The following EPAS1 variants were observed in gnomAD, a reference collection of about 807,000 sequenced individuals.
EPAS1 encodes endothelial PAS domain protein 1.
Under a neutral mutation model 87.9 loss-of-function variants are expected in EPAS1, and 23 were observed. The observed-to-expected ratio is 0.26, with a 90% CI of 0.19 to 0.37. The LOEUF (loss-of-function observed/expected upper bound fraction) is 0.37, where lower values mean the gene tolerates loss of function less well. Ranked by LOEUF, EPAS1 falls within the 10% of genes least tolerant of loss-of-function variation. The pLI, the probability that EPAS1 is intolerant of heterozygous loss-of-function variation, is 1.00. For missense variants in EPAS1, 1,138 were observed against 1,120.7 expected (o/e 1.02, Z -0.22); for synonymous variants, 508 against 444.3 (o/e 1.14, Z -1.80).
At chr2:46,379,823 C>T in intron 11 of EPAS1, 1 of 272,822 alleles carries the variant, frequency 3.7e-6, no homozygotes, top group East Asian at 8.6e-5. Context: ...GAGAAGAGGA[C>T]AAAAAAAAGC....
rs58210256 is a variant in EPAS1, at chr2:46,320,431, C to T, written c.26+22494C>T. Among the ~76,000 whole-genome samples the T allele has an allele frequency of 6.4e-3, 973 of 152,266 alleles. 11 individuals are homozygous for T. The highest frequency in any genetic ancestry group is 0.023 in the African/African-American group (946 of 41,514). On this transcript the variant is annotated intron_variant, in intron 1 of 15. Transcript: ENST00000263734. Reference sequence around the variant, plus strand: ...TGGAGCAGCTGTTGGCATAGCAACTCCTACGTGGAAAAGTGCACGCCGCTT... The same window carrying T: ...TGGAGCAGCTGTTGGCATAGCAACTTCTACGTGGAAAAGTGCACGCCGCTT...
At position 46,339,444 on chromosome 2, in the gene EPAS1, G is replaced by A. The variant is rs181236717; in HGVS notation, c.27-7429G>A. Among the ~76,000 whole-genome samples, 7 of 152,282 alleles carry A rather than the reference G, an allele frequency of 4.6e-5. No homozygotes were observed. The East Asian group carries it at 1.4e-3, about 29-fold the overall frequency. The stretch of plus-strand genomic sequence containing the variant: ...CAGGGCCTTGAAAAAGCCAGAACTC[G>A]GGGCTTTTGTTCCAGTTCCACATAC... On this transcript the variant is annotated intron_variant, in intron 1 of 15. Coordinates refer to ENST00000263734, the MANE Select transcript of EPAS1 (RefSeq NM_001430.5).
intron 1 of EPAS1, among the ~76,000 whole-genome samples, chr2:46,306,412 GTT>G (rs1683109711): frequency 6.6e-6 from 1 of 152,120 alleles, no homozygotes; most frequent in Non-Finnish European, 1.5e-5. Context: ...AGTGGACCTG[GTT>G]GTCCATGGTG....
At chr2:46,378,510 G>C in intron 10 of EPAS1, 147 bp from the exon 11 acceptor site, 1 of 726,678 alleles carries the variant, frequency 1.4e-6, no homozygotes, top group Non-Finnish European at 2.4e-6. Flanking sequence ...CATACAGCTT[G>C]TTAATTAGCA....
At chr2:46,350,585 G>A (rs1351710482) in intron 2 of EPAS1, among the ~76,000 whole-genome samples, 1 of 152,208 alleles carries the variant, frequency 6.6e-6, no homozygotes, top group Non-Finnish European at 1.5e-5. Context: ...CACTCTTACA[G>A]GAACATCGGT....
rs1684727715 is a variant in EPAS1 at position 46,375,606 on chromosome 2, C to T, written c.887-84C>T. 6.6e-7 allele frequency: 1 copy of T among 1,518,504 alleles called. No homozygotes were observed. The highest frequency in any genetic ancestry group is 9.0e-7 in the Non-Finnish European group (1 of 1,115,044). The allele number at this position is 1,518,504 out of a possible 1,614,324, so 94.1% of individuals were successfully genotyped here. A position where few individuals can be genotyped will look rare whatever the true frequency, so the allele number is the denominator to read the frequency against. On this transcript the variant is annotated intron_variant, in intron 7 of 15. Coordinates refer to ENST00000263734, the MANE Select transcript of EPAS1 (RefSeq NM_001430.5). The surrounding 1 kb of genome is among the most constrained non-coding windows in gnomAD (Gnocchi z 4.1). Reference sequence around the variant, plus strand: ...TCTGTCTGTTCCCCTGCAGATTAGACTGCCCTCCCATGCGATCTGCTGAGC... The same window carrying T: ...TCTGTCTGTTCCCCTGCAGATTAGATTGCCCTCCCATGCGATCTGCTGAGC...
At chr2:46,305,945 TAATC>T (rs1372176149) in intron 1 of EPAS1, among the ~76,000 whole-genome samples, 3 of 152,208 alleles carry the variant, frequency 2.0e-5, no homozygotes, top group African/African-American at 7.2e-5. Flanking sequence ...TCTTAGAAGT[TAATC>T]AATTCTGTAA....
chr2:46,376,696 G>A lies in EPAS1; in HGVS notation c.1192G>A (p.Glu398Lys), dbSNP rs1283870670. ...ATTCACCAAGCTAAAGGAGGAGCCCGAGGAGCTGGCCCAGCTGGCTCCCAC... is the reference window on the plus strand; with the variant it reads ...ATTCACCAAGCTAAAGGAGGAGCCCAAGGAGCTGGCCCAGCTGGCTCCCAC... Reference protein sequence around the residue: ...FLFTKLKEEPEELAQLAPTPG... With the variant: ...FLFTKLKEEPKELAQLAPTPG... Residue 398 changes from glutamate to lysine, a missense_variant, in exon 9 of 16, where the codon GAG becomes AAG. Around this residue, in one of 4 missense-constraint regions of EPAS1, gnomAD observed 284 missense variants for 258.4 expected, o/e 1.10. Coordinates refer to ENST00000263734, the MANE Select transcript of EPAS1 (RefSeq NM_001430.5). 8.1e-6 allele frequency: 13 copies of A among 1,613,532 alleles called. No homozygotes were observed. The highest frequency in any genetic ancestry group is 4.5e-5 in the East Asian group (2 of 44,894).
intron 1 of EPAS1, among the ~76,000 whole-genome samples, chr2:46,316,573 A>G (rs1434014776): frequency 6.6e-6 from 1 of 152,164 alleles, no homozygotes; most frequent in Non-Finnish European, 1.5e-5. Context: ...CAATGTCTAT[A>G]CCTTAATTTA....
At chr2:46,356,945 T>TGGCCGGGCGCG in intron 4 of EPAS1, 137 bp downstream of exon 4, 1 of 697,528 alleles carries the variant, frequency 1.4e-6, no homozygotes. Flanking sequence ...AATTTAAGTA[T>TGGCCGGGCGCG]GTAGCCTGTG....
chr2:46,367,545 T>C (rs1417414663), intron 6 of EPAS1, among the ~76,000 whole-genome samples: 1 of 152,244 alleles, frequency 6.6e-6, no homozygotes, highest in East Asian at 1.9e-4. Context: ...TCTCCACCTT[T>C]GCCAAGGTGT....
chr2:46,313,465 A>AT (rs1683252244), intron 1 of EPAS1, among the ~76,000 whole-genome samples: 1 of 151,132 alleles, frequency 6.6e-6, no homozygotes, highest in Admixed American at 6.6e-5. Context: ...TTATTTATTT[A>AT]TTTTTGAGAC....
chr2:46,381,112 C>T (rs1436293824), intron 12 of EPAS1: 2 of 351,954 alleles, frequency 5.7e-6, no homozygotes, highest in Non-Finnish European at 1.1e-5. Context: ...CCCCCGGGTC[C>T]TCGCCACTGC....
intron 1 of EPAS1, among the ~76,000 whole-genome samples, chr2:46,306,344 A>T (rs1299530413): frequency 2.0e-5 from 3 of 152,148 alleles, no homozygotes; most frequent in Non-Finnish European, 4.4e-5. Context: ...CTTCCTTTAT[A>T]TTTGGGAAAT....
chr2:46,318,183 C>CACAT (rs1020835915), intron 1 of EPAS1, among the ~76,000 whole-genome samples: 1 of 151,196 alleles, frequency 6.6e-6, no homozygotes, highest in African/African-American at 2.4e-5. Context: ...GAGAGAGATA[C>CACAT]ACACACACAC....
chr2:46,315,434 T>G (rs1222573301), intron 1 of EPAS1, among the ~76,000 whole-genome samples: 1 of 152,084 alleles, frequency 6.6e-6, no homozygotes, highest in Non-Finnish European at 1.5e-5. Flanking sequence ...TATTGAGACT[T>G]GGGTTTATCT....
chr2:46,319,272 C>T (rs1457117957), intron 1 of EPAS1, among the ~76,000 whole-genome samples: 2 of 152,186 alleles, frequency 1.3e-5, no homozygotes, highest in Admixed American at 6.5e-5. Flanking sequence ...TCCAGTGTGG[C>T]CCATATGTAT....
In EPAS1 at chr2:46,332,332, G is replaced by GTGTGTATA. The variant is rs146630883; in HGVS notation, c.27-14540_27-14539insGTGTATAT. Among the ~76,000 whole-genome samples the GTGTGTATA allele has an allele frequency of 1.2e-3, 164 of 142,188 alleles. 2 individuals carry two copies. Among genetic ancestry groups the GTGTGTATA allele is most frequent in the Admixed American group, 3.6e-3 (51 of 14,230 alleles). The allele number at this position is 142,188 out of a possible 152,430, so 93.3% of individuals were successfully genotyped here. ...TGTGTGTGTGTGTGTGTGTGTGTGT[G>GTGTGTATA]TATCAACTTGTTTTCTCTTTGGCTG... On this transcript the variant is annotated intron_variant, in intron 1 of 15. Transcript: ENST00000263734.
intron 1 of EPAS1, among the ~76,000 whole-genome samples, chr2:46,301,570 G>A (rs1682999568): frequency 2.7e-5 from 3 of 110,090 alleles, no homozygotes; most frequent in African/African-American, 3.5e-5. Flanking sequence ...GTGAAATTCC[G>A]TCTCAAAGAA....
Sources: gnomAD v4.1 joint callset for allele counts (sites outside exome capture counted in the v4.1 genomes callset) on GRCh38, gnomAD v4.1.1 for gene constraint, gnomAD v4.1.1 regional missense constraint, Gnocchi (gnomAD v3.1) non-coding constraint, MANE v1.5 for transcripts, NCBI Gene and HGNC (gene_info 2026-07-23, HGNC 2026-07-21) for gene names.